Variants in KDM4C observed in about 807,000 individuals in gnomAD.
The protein encoded by KDM4C is lysine-specific demethylase 4C.
KDM4C carries 81 observed loss-of-function variants against 129.3 expected under a neutral mutation model. The observed-to-expected ratio is 0.63, with a 90% CI of 0.52 to 0.75. The LOEUF is 0.75. KDM4C is among the 30% of genes least tolerant of loss of function. The pLI, the probability that KDM4C is intolerant of heterozygous loss-of-function variation, is 0.00. For missense variants in KDM4C, 1,457 were observed against 1,304.0 expected (o/e 1.12, Z -1.81); for synonymous variants, 573 against 456.1 (o/e 1.26, Z -3.26).
intron 12 of KDM4C, among the ~76,000 whole-genome samples, chr9:6,995,717 GC>G (rs1357097456): frequency 1.3e-5 from 2 of 152,100 alleles, no homozygotes; most frequent in African/African-American, 4.8e-5. Flanking sequence ...TGTCGCCCAG[GC>G]TGGAGTGCAG....
At chr9:6,872,518 G>T (rs182977007) in intron 5 of KDM4C, among the ~76,000 whole-genome samples, 9 of 152,142 alleles carry the variant, frequency 5.9e-5, no homozygotes, top group Admixed American at 1.3e-4. Flanking sequence ...CTCTTTGTAG[G>T]TCTCTAAGAA....
intron 15 of KDM4C, among the ~76,000 whole-genome samples, chr9:7,035,503 G>T (rs1321871743): frequency 6.6e-6 from 1 of 151,150 alleles, no homozygotes; most frequent in Non-Finnish European, 1.5e-5. Flanking sequence ...TATCCCATTT[G>T]TTTATTTTTG....
chr9:6,990,539 CT>C lies in KDM4C; in HGVS notation c.1786+20del. The C allele has an allele frequency of 1.4e-6, 2 of 1,464,096 alleles. No homozygotes were observed. The highest frequency in any genetic ancestry group is 9.1e-7 in the Non-Finnish European group (1 of 1,100,202). 90.7% of individuals were successfully genotyped at this position (1,464,096 alleles called of 1,614,324 possible). On this transcript the variant is annotated intron_variant, in intron 12 of 21. Transcript: ENST00000381309. Reference sequence around the variant, plus strand: ...AAGTGATGAAGGTGAGATGGTGACCCTTTTTGGGATTTTTTTTTTTTTTTTT... The same window carrying C: ...AAGTGATGAAGGTGAGATGGTGACCCTTTTGGGATTTTTTTTTTTTTTTTT...
chr9:6,969,412 G>T (rs1416080355), intron 8 of KDM4C, among the ~76,000 whole-genome samples: 3 of 151,846 alleles, frequency 2.0e-5, no homozygotes, highest in African/African-American at 7.3e-5. Flanking sequence ...AGAACATAGG[G>T]TTTTTTTTAT....
Position 6,991,032 on chromosome 9 carries a change from A to G in KDM4C, c.1786+508A>G, listed in dbSNP as rs192408436. Among the ~76,000 whole-genome samples, 21 of 152,060 alleles carry G rather than the reference A, an allele frequency of 1.4e-4. 1 individual carries two copies. The East Asian group carries it at 3.7e-3, about 27-fold the overall frequency. ...ATGCAGCTGGATGTAACGCAGTTTCATTTACAATCATTTACCATTCCTAGA... is the reference window on the plus strand; with the variant it reads ...ATGCAGCTGGATGTAACGCAGTTTCGTTTACAATCATTTACCATTCCTAGA... On this transcript the variant is annotated intron_variant, in intron 12 of 21. Transcript: ENST00000381309.
chr9:6,921,003 T>C (rs1206592480), intron 8 of KDM4C, among the ~76,000 whole-genome samples: 2 of 152,158 alleles, frequency 1.3e-5, no homozygotes, highest in African/African-American at 2.4e-5. Context: ...AAGTTGTTCC[T>C]TTATTATTTT....
chr9:6,755,094 G>A (rs1274156575), upstream of KDM4C, among the ~76,000 whole-genome samples: 2 of 151,606 alleles, frequency 1.3e-5, no homozygotes, highest in African/African-American at 2.4e-5. Flanking sequence ...AAATTAGGCC[G>A]GGCATGGTGG....
At chr9:7,041,087 T>C (rs1828523479) in intron 15 of KDM4C, among the ~76,000 whole-genome samples, 1 of 151,842 alleles carries the variant, frequency 6.6e-6, no homozygotes, top group Non-Finnish European at 1.5e-5. Context: ...TTCAATTCTA[T>C]ACATATGGCC....
chr9:6,758,815 C>A lies in KDM4C; in HGVS notation c.-18+612C>A, dbSNP rs146380678. On this transcript the variant is annotated intron_variant, in intron 1 of 21. Transcript: ENST00000381309. This position sits in a 1 kb window ranked among gnomAD's most constrained non-coding sequence, Gnocchi z 4.6. ...TAGACGGCGGGTGCTTAAATAAATG[C>A]GAGTTGGATTAGGGCGCGTGGACTG... Among the ~76,000 whole-genome samples the A allele has an allele frequency of 8.9e-4, 136 of 152,104 alleles. No homozygotes were observed. The highest frequency in any genetic ancestry group is 1.9e-3 in the African/African-American group (78 of 41,492).
At chr9:7,010,944 T>C (rs1822567760) in intron 12 of KDM4C, among the ~76,000 whole-genome samples, 2 of 152,134 alleles carry the variant, frequency 1.3e-5, no homozygotes, top group African/African-American at 4.8e-5. Context: ...CTCAGAAGGC[T>C]GAGGCGGTAC....
intron 17 of KDM4C, among the ~76,000 whole-genome samples, chr9:7,069,926 T>G (rs945325195): frequency 1.3e-5 from 2 of 152,236 alleles, no homozygotes; most frequent in Non-Finnish European, 2.9e-5. Flanking sequence ...TGAAGATAGA[T>G]TGTAATTGGG....
intron 13 of KDM4C, 107 bp from the exon 14 acceptor site, chr9:7,013,681 A>C (rs893312803): frequency 9.5e-7 from 1 of 1,056,396 alleles, no homozygotes; most frequent in East Asian, 2.6e-5. Context: ...CAGGAAGAAC[A>C]AAAGTTAGAA....
At chr9:7,043,185 G>A (rs146318117) in intron 15 of KDM4C, among the ~76,000 whole-genome samples, 13 of 152,090 alleles carry the variant, frequency 8.5e-5, no homozygotes, top group South Asian at 2.1e-4. Flanking sequence ...GGCATGGTAC[G>A]TGGAATGCAT....
chr9:6,759,960 A>T (rs1322223264), intron 1 of KDM4C, among the ~76,000 whole-genome samples: 2 of 114,882 alleles, frequency 1.7e-5, no homozygotes, highest in African/African-American at 6.6e-5. Flanking sequence ...AAAAAGTAAA[A>T]ATATAAATAA....
intron 15 of KDM4C, among the ~76,000 whole-genome samples, chr9:7,023,289 C>T (rs967708529): frequency 2.6e-5 from 4 of 151,938 alleles, no homozygotes; most frequent in Non-Finnish European, 5.9e-5. Flanking sequence ...TACTGGGAGA[C>T]CTTTTTATTA....
intron 18 of KDM4C, among the ~76,000 whole-genome samples, chr9:7,111,715 G>C (rs764561742): frequency 1.3e-5 from 2 of 152,198 alleles, no homozygotes; most frequent in Non-Finnish European, 2.9e-5. Flanking sequence ...GGGGGAGTCA[G>C]GATGGAGTGG....
At position 6,863,812 on chromosome 9, in the gene KDM4C, AG is replaced by A. The variant is rs1472572508; in HGVS notation, c.629+14113del. Reference sequence around the variant, plus strand: ...CCATCTCAAAAAAAAAAAAAAAAAAAGAGAGAGAGAAGGAAGGGAGGGCCAG... The same window carrying A: ...CCATCTCAAAAAAAAAAAAAAAAAAAAGAGAGAGAAGGAAGGGAGGGCCAG... On this transcript the variant is annotated intron_variant, in intron 5 of 21. Transcript: ENST00000381309. Among the ~76,000 whole-genome samples the A allele has an allele frequency of 7.1e-3, 978 of 138,366 alleles. 9 individuals are homozygous for A. The highest frequency in any genetic ancestry group is 0.011 in the Middle Eastern group (3 of 266). 90.8% of individuals were successfully genotyped at this position (138,366 alleles called of 152,430 possible). A position where few individuals can be genotyped will look rare whatever the true frequency, so the allele number is the denominator to read the frequency against.
At chr9:6,827,642 T>G (rs1382566602) in intron 4 of KDM4C, among the ~76,000 whole-genome samples, 1 of 152,212 alleles carries the variant, frequency 6.6e-6, no homozygotes, top group East Asian at 1.9e-4. Context: ...TCCTTTCCAT[T>G]TTTTATTTTT....
At chr9:7,128,613 TC>T (rs1795289665) in intron 19 of KDM4C, among the ~76,000 whole-genome samples, 1 of 152,224 alleles carries the variant, frequency 6.6e-6, no homozygotes, top group African/African-American at 2.4e-5. Context: ...TTTATGACTT[TC>T]TTTTCTTTAT....
Sources: gnomAD v4.1 joint callset for allele counts (sites outside exome capture counted in the v4.1 genomes callset) on GRCh38, gnomAD v4.1.1 for gene constraint, Gnocchi (gnomAD v3.1) non-coding constraint, MANE v1.5 for transcripts, NCBI Gene and HGNC (gene_info 2026-07-23, HGNC 2026-07-21) for gene names.